Variants in SLC51A observed in about 807,000 individuals in gnomAD.
The protein encoded by SLC51A is organic solute transporter subunit alpha.
A neutral mutation model predicts 34.8 loss-of-function variants in SLC51A; 22 were observed. The ratio of observed to expected loss-of-function variants is 0.63; its 90% CI spans 0.45 to 0.90. The LOEUF is 0.90. Among genes scored for constraint, SLC51A ranks in the 40% least tolerant of loss-of-function variants. The pLI is 0.00. For missense variants in SLC51A, 371 were observed against 414.8 expected (o/e 0.89, Z 0.92); for synonymous variants, 181 against 176.3 (o/e 1.03, Z -0.21).
At chr3:196,223,051 A>G (rs1226172451) in intron 2 of SLC51A, among the ~76,000 whole-genome samples, 1 of 151,690 alleles carries the variant, frequency 6.6e-6, no homozygotes, top group Non-Finnish European at 1.5e-5. Context: ...GTTGCCTTTG[A>G]TGATCTCTCC....
In SLC51A at chr3:196,217,846, ACAG is replaced by A. The variant is rs765904443; in HGVS notation, c.47_49del (p.Ala16del). The A allele has an allele frequency of 1.2e-5, 20 of 1,613,362 alleles. 1 individual carries two copies. Among genetic ancestry groups the A allele is most frequent in the Middle Eastern group, 1.6e-4 (1 of 6,082 alleles). ...CACAGGCTGGTGTCTCGCCAGGTAC[ACAG>A]CAGATCTTCTGGAGGTGCTGAAGAC... On this transcript the variant is annotated inframe_deletion, in exon 2 of 9. Coordinates refer to ENST00000296327, the MANE Select transcript of SLC51A (RefSeq NM_152672.6).
At chr3:196,225,608 A>C (rs1723874376) in intron 2 of SLC51A, 1 of 152,250 alleles carries the variant, frequency 6.6e-6, no homozygotes, top group East Asian at 1.9e-4. Flanking sequence ...AAAGACACTT[A>C]GATAAATGAC....
Position 196,228,814 on chromosome 3 carries a change from A to T in SLC51A, c.527A>T (p.Lys176Met), listed in dbSNP as rs779813425. 1 of 1,613,982 alleles carries T rather than the reference A, an allele frequency of 6.2e-7. No individual in the cohort carries two copies. Among genetic ancestry groups the T allele is most frequent in the Non-Finnish European group, 8.5e-7 (1 of 1,179,882 alleles). Residue 176 changes from lysine to methionine, a missense_variant, in exon 6 of 9, where the codon AAG becomes ATG. Physicochemically the swap from Lys to Met is moderately conservative, Grantham distance 95. Transcript: ENST00000296327. This position sits in a 1 kb window ranked among gnomAD's most constrained non-coding sequence, Gnocchi z 4.9. ...CCPRLLLTRK[K>M]LQLLMLGPFQ... is the part of the protein sequence containing the mutation. ...TAACCCTCTTCCCCACTCAGGAAGA[A>T]GCTTCAGCTGCTGATGTTGGGCCCT...
chr3:196,216,615 CGG>C lies in SLC51A; in HGVS notation c.-97_-96del. 8.0e-7 allele frequency: 1 copy of C among 1,250,046 alleles called. No homozygotes were observed. The highest frequency in any genetic ancestry group is 1.1e-6 in the Non-Finnish European group (1 of 878,946). 77.4% of individuals were successfully genotyped at this position (1,250,046 alleles called of 1,614,324 possible). A position where few individuals can be genotyped will look rare whatever the true frequency, so the allele number is the denominator to read the frequency against. ...CTGCAATTCTGCTTGCCCCCCACCC[CGG>C]CCCAGGCAAGCCACCCTGCCCCCGG... On this transcript the variant is annotated 5_prime_UTR_variant, in exon 1 of 9. Coordinates refer to ENST00000296327, the MANE Select transcript of SLC51A (RefSeq NM_152672.6). This position sits in a 1 kb window ranked among gnomAD's most constrained non-coding sequence, Gnocchi z 4.5.
intron 2 of SLC51A, among the ~76,000 whole-genome samples, chr3:196,224,367 A>C (rs894103772): frequency 1.3e-5 from 2 of 151,092 alleles, no homozygotes; most frequent in Admixed American, 6.6e-5. Flanking sequence ...GGATTTTCAC[A>C]CACCGAGAAA....
Position 196,228,299 on chromosome 3 carries a change from C to T in SLC51A, c.521+26C>T, listed in dbSNP as rs1219891023. 6.3e-7 allele frequency: 1 copy of T among 1,598,406 alleles called. No homozygotes were observed. Among genetic ancestry groups the T allele is most frequent in the Non-Finnish European group, 8.5e-7 (1 of 1,174,824 alleles). On this transcript the variant is annotated intron_variant, in intron 5 of 8. Transcript: ENST00000296327. This position sits in a 1 kb window ranked among gnomAD's most constrained non-coding sequence, Gnocchi z 4.9. ...GTGAGGCGGGGCCAAGGTGCCTTCCCCAGGAGCCGGGGAGCCTCTCCTGGA... is the reference window on the plus strand; with the variant it reads ...GTGAGGCGGGGCCAAGGTGCCTTCCTCAGGAGCCGGGGAGCCTCTCCTGGA...
rs1723643000 is a variant in SLC51A, at chr3:196,218,058, T to C, written c.133+122T>C. 3 of 850,756 alleles carry C rather than the reference T, an allele frequency of 3.5e-6. No homozygotes were observed. The African/African-American group carries it at 5.0e-5, about 14-fold the overall frequency. The allele number at this position is 850,756 out of a possible 1,614,324, so 52.7% of individuals were successfully genotyped here. ...CAGCCGGGGAGAATAACTGGCCCGG[T>C]GTCTGTCATCGTGGTTAAGGCTCTG... On this transcript the variant is annotated intron_variant, in intron 2 of 8. Transcript: ENST00000296327.
rs1341637663 is a variant in SLC51A, at chr3:196,217,863, G to A, written c.60G>A (p.Glu20=). The change falls in exon 2 of 9, where the codon GAG becomes GAA. Residue 20 remains glutamate, a synonymous_variant. Coordinates refer to ENST00000296327, the MANE Select transcript of SLC51A (RefSeq NM_152672.6). Reference sequence around the variant, plus strand: ...CCAGGTACACAGCAGATCTTCTGGAGGTGCTGAAGACCAATTACGGCATCC... The same window carrying A: ...CCAGGTACACAGCAGATCTTCTGGAAGTGCTGAAGACCAATTACGGCATCC... ...LDPRYTADLL[E]VLKTNYGIPS... 2 of 1,613,742 alleles carry A rather than the reference G, an allele frequency of 1.2e-6. No homozygotes were observed. The highest frequency in any genetic ancestry group is 1.7e-5 in the Admixed American group (1 of 59,978).
At chr3:196,227,208 G>C (rs78004731) in intron 3 of SLC51A, 89 bp downstream of exon 3, 10 of 606,732 alleles carry the variant, frequency 1.6e-5, no homozygotes, top group South Asian at 3.0e-5. Flanking sequence ...ACGTCACTTC[G>C]GCAAAGAGTG....
chr3:196,218,423 C>T (rs928391735), intron 2 of SLC51A, among the ~76,000 whole-genome samples: 1 of 152,244 alleles, frequency 6.6e-6, no homozygotes, highest in Non-Finnish European at 1.5e-5. Context: ...AACCTTTGTC[C>T]TCACTGGAGC....
At chr3:196,223,086 G>A (rs1267207912) in intron 2 of SLC51A, among the ~76,000 whole-genome samples, 1 of 151,660 alleles carries the variant, frequency 6.6e-6, no homozygotes, top group Non-Finnish European at 1.5e-5. Flanking sequence ...CACACACCTG[G>A]AGTCACTGTG....
Position 196,228,240 on chromosome 3 carries a change from G to C in SLC51A, c.488G>C (p.Cys163Ser), listed in dbSNP as rs1412404679. Reference protein sequence around the residue: ...MMVHTGPCCCCCPCCPRLLLT... With the variant: ...MMVHTGPCCCSCPCCPRLLLT... ...GTCCACACAGGCCCCTGCTGCTGCT[G>C]CTGCCCCTGCTGTCCACGGCTGCTG... is the stretch of plus-strand genomic sequence containing the variant. Residue 163 changes from cysteine to serine, a missense_variant, in exon 5 of 9, where the codon TGC (cysteine) becomes TCC (serine). Cys to Ser is a moderately radical substitution (Grantham distance 112). Coordinates refer to ENST00000296327, the MANE Select transcript of SLC51A (RefSeq NM_152672.6). The surrounding 1 kb of genome is among the most constrained non-coding windows in gnomAD (Gnocchi z 4.9). 2 of 1,613,280 alleles carry C rather than the reference G, an allele frequency of 1.2e-6. No homozygotes were observed. The highest frequency in any genetic ancestry group is 1.7e-6 in the Non-Finnish European group (2 of 1,179,942).
rs544489661 is a variant in SLC51A at position 196,222,845 on chromosome 3, C to T, written c.134-4120C>T. ...GCCCTTTTGGGGAAATTGAGTTTAA[C>T]CAGCAAAGAAGAGGCCATCTCCTAA... is the stretch of plus-strand genomic sequence containing the variant. On this transcript the variant is annotated intron_variant, in intron 2 of 8. Coordinates refer to ENST00000296327, the MANE Select transcript of SLC51A (RefSeq NM_152672.6). 5.3e-5 allele frequency among the ~76,000 whole-genome samples: 8 copies of T among 151,864 alleles called. No homozygotes were observed. In the South Asian group the frequency reaches 6.3e-4, roughly 12 times the overall value.
At chr3:196,229,079 A>T (rs376816387) in intron 6 of SLC51A, among the ~76,000 whole-genome samples, 159 bp downstream of exon 6, 4 of 152,216 alleles carry the variant, frequency 2.6e-5, no homozygotes, top group South Asian at 4.1e-4. Flanking sequence ...GAACCGCAAT[A>T]GGCCAGGCCC....
At chr3:196,232,311 T>G in intron 7 of SLC51A, 108 bp from the exon 8 acceptor site, 1 of 748,802 alleles carries the variant, frequency 1.3e-6, no homozygotes. Context: ...GATCTGACGG[T>G]GGGTGGAACC....
chr3:196,227,859 G>C lies in SLC51A; in HGVS notation c.362+122G>C, dbSNP rs980242117. The C allele has an allele frequency of 6.2e-5, 64 of 1,033,502 alleles. No homozygotes were observed. The African/African-American group carries it at 8.7e-4, about 14-fold the overall frequency. 64.0% of individuals were successfully genotyped at this position (1,033,502 alleles called of 1,614,324 possible). A position where few individuals can be genotyped will look rare whatever the true frequency, so the allele number is the denominator to read the frequency against. ...GCCCTTCCCAGCTTGTGCTAGTTCC[G>C]GGCTCTTGCGCTCCTGGCTCTGCTC... On this transcript the variant is annotated intron_variant, in intron 4 of 8. Coordinates refer to ENST00000296327, the MANE Select transcript of SLC51A (RefSeq NM_152672.6).
chr3:196,229,234 T>C (rs931342018), intron 6 of SLC51A, among the ~76,000 whole-genome samples: 2 of 152,164 alleles, frequency 1.3e-5, no homozygotes, highest in African/African-American at 4.8e-5. Context: ...TATAGCGAGA[T>C]GCCATTTCTA....
At chr3:196,220,916 G>T (rs1404453438) in intron 2 of SLC51A, among the ~76,000 whole-genome samples, 1 of 148,074 alleles carries the variant, frequency 6.8e-6, no homozygotes, top group East Asian at 2.0e-4. Flanking sequence ...TTGAGACAGG[G>T]TCTCACTGTG....
chr3:196,224,944 G>C (rs1723860281), intron 2 of SLC51A, among the ~76,000 whole-genome samples: 1 of 151,194 alleles, frequency 6.6e-6, no homozygotes, highest in South Asian at 2.1e-4. Context: ...AAAGTAAGTA[G>C]AAAAGAAGAC....
Sources: allele counts gnomAD v4.1 joint callset (sites outside exome capture counted in the v4.1 genomes callset), GRCh38; gene constraint gnomAD v4.1.1; non-coding constraint Gnocchi (gnomAD v3.1); transcripts MANE v1.5; gene names NCBI Gene and HGNC (gene_info 2026-07-23, HGNC 2026-07-21).